The following ANTXR2 variants were observed in gnomAD, a reference collection of about 807,000 sequenced individuals.
The protein encoded by ANTXR2 is anthrax toxin receptor 2.
ANTXR2 carries 44 observed loss-of-function variants against 73.7 expected under a neutral mutation model. That is an observed-to-expected ratio of 0.60 (90% confidence interval 0.47 to 0.77). The LOEUF (loss-of-function observed/expected upper bound fraction) is 0.77. ANTXR2 is among the 30% of genes least tolerant of loss of function. The probability of loss-of-function intolerance (pLI) is 0.00; values close to 1 mark genes in which losing one functional copy is unlikely to be tolerated. For synonymous variants in ANTXR2, 217 were observed against 205.9 expected, an observed-to-expected ratio of 1.05 and a Z score of -0.46; for missense variants, 604 against 592.5, an observed-to-expected ratio of 1.02 and a Z score of -0.20.
chr4:80,010,179 A>T (rs1223036966), intron 11 of ANTXR2, among the ~76,000 whole-genome samples: 2 of 152,190 alleles, frequency 1.3e-5, no homozygotes, highest in South Asian at 4.1e-4. Context: ...AACATTCCAA[A>T]GTGCATCTTT....
rs368382931 is a variant in ANTXR2 at position 80,001,272 on chromosome 4, C to T, written c.1041+7249G>A. 2.7e-5 allele frequency among the ~76,000 whole-genome samples: 4 copies of T among 150,598 alleles called. No individual in the cohort carries two copies. The South Asian group carries it at 6.3e-4, about 24-fold the overall frequency. Reference sequence around the variant, plus strand: ...TGCTGGTGCGCTGCACCCACTAACTCGTCATCTAGCATTAGGTATATCTCC... The same window carrying T: ...TGCTGGTGCGCTGCACCCACTAACTTGTCATCTAGCATTAGGTATATCTCC... On this transcript the variant is annotated intron_variant, in intron 12 of 16. Coordinates refer to ENST00000403729, the MANE Select transcript of ANTXR2 (RefSeq NM_058172.6).
chr4:79,926,986 T>TATATAC (rs1438871847), intron 16 of ANTXR2, among the ~76,000 whole-genome samples: 40 of 120,174 alleles, frequency 3.3e-4, no homozygotes, highest in African/African-American at 1.4e-3. Flanking sequence ...TACGTGTGCA[T>TATATAC]ATATGTGTAT....
At chr4:80,007,603 C>T (rs942165198) in intron 12 of ANTXR2, among the ~76,000 whole-genome samples, 2 of 152,070 alleles carry the variant, frequency 1.3e-5, no homozygotes, top group African/African-American at 2.4e-5. Context: ...CAATCTAATC[C>T]CATGGTTCCT....
At chr4:80,049,870 T>C (rs769664074) in intron 7 of ANTXR2, among the ~76,000 whole-genome samples, 2 of 151,726 alleles carry the variant, frequency 1.3e-5, no homozygotes, top group Non-Finnish European at 2.9e-5. Flanking sequence ...ATAATTAACA[T>C]TTGACAGCTA....
In ANTXR2 at chr4:80,071,662, A is replaced by G; in HGVS notation, c.153-8T>C. The G allele has an allele frequency of 5.0e-6, 8 of 1,605,690 alleles. No homozygotes were observed. Among genetic ancestry groups the G allele is most frequent in the Non-Finnish European group, 6.8e-6 (8 of 1,172,534 alleles). On this transcript the variant is annotated splice_region_variant and splice_polypyrimidine_tract_variant and intron_variant, in intron 1 of 16. Coordinates refer to ENST00000403729, the MANE Select transcript of ANTXR2 (RefSeq NM_058172.6). ...TTTGCCACACTCCCAGACCTGAAAG[A>G]TGAAATTGAACTGATCAGAGAAACA...
At chr4:80,050,135 A>G (rs546780841) in intron 7 of ANTXR2, among the ~76,000 whole-genome samples, 57 of 151,894 alleles carry the variant, frequency 3.8e-4, no homozygotes, top group South Asian at 1.2e-3. Flanking sequence ...AATTAGTACT[A>G]TAAGTCCCAC....
At chr4:80,056,512 C>T (rs150268482) in intron 3 of ANTXR2, among the ~76,000 whole-genome samples, 2 of 151,962 alleles carry the variant, frequency 1.3e-5, no homozygotes, top group African/African-American at 2.4e-5. Context: ...CTCCCAGAGT[C>T]GTAAGTCTCA....
intron 16 of ANTXR2, among the ~76,000 whole-genome samples, chr4:79,956,926 G>T (rs957924625): frequency 1.3e-5 from 2 of 152,018 alleles, no homozygotes; most frequent in Non-Finnish European, 1.5e-5. Context: ...CTAAATTTGT[G>T]TTCTAAAAAA....
In ANTXR2 at chr4:79,984,840, TG is replaced by T; in HGVS notation, c.1064del (p.Pro355HisfsTer54). ...CKVVIKDPPP[P>X]PAPAPKEEEE... ...TTACCTCTTTTGGTGCAGGGGCGGG[TG>T]GTGGTGGAGGATCCTTAATAACCTG... On this transcript the variant is annotated frameshift_variant, in exon 13 of 17. Transcript: ENST00000403729. LOFTEE classifies it high-confidence loss of function. 1 of 1,594,184 alleles carries T rather than the reference TG, an allele frequency of 6.3e-7. No individual in the cohort carries two copies. Among genetic ancestry groups the T allele is most frequent in the South Asian group, 1.1e-5 (1 of 87,890 alleles).
intron 16 of ANTXR2, among the ~76,000 whole-genome samples, chr4:79,925,287 C>T (rs1336791955): frequency 1.8e-4 from 26 of 143,988 alleles, no homozygotes; most frequent in East Asian, 6.1e-4. Context: ...TCACTCTTTC[C>T]TTTTTTTTTT....
chr4:79,981,132 G>C (rs1054146256), intron 14 of ANTXR2, among the ~76,000 whole-genome samples: 4 of 151,994 alleles, frequency 2.6e-5, no homozygotes, highest in African/African-American at 9.7e-5. Context: ...AAAATAAATA[G>C]ATAAATGAAA....
chr4:79,947,999 T>C (rs1728575501), intron 16 of ANTXR2, among the ~76,000 whole-genome samples: 1 of 152,126 alleles, frequency 6.6e-6, no homozygotes, highest in Non-Finnish European at 1.5e-5. Context: ...ACTGTACTCA[T>C]TTCTAGCTTG....
At chr4:80,002,455 C>A (rs868821907) in intron 12 of ANTXR2, among the ~76,000 whole-genome samples, 2 of 152,058 alleles carry the variant, frequency 1.3e-5, no homozygotes, top group Admixed American at 1.3e-4. Flanking sequence ...ACCATAAAAA[C>A]CCTAGAAGAA....
chr4:80,060,978 G>A (rs142886895), intron 3 of ANTXR2, among the ~76,000 whole-genome samples: 114 of 152,228 alleles, frequency 7.5e-4, no homozygotes, highest in African/African-American at 2.6e-3. Context: ...TTAGCAAGTC[G>A]GTGCCAGCGC....
intron 16 of ANTXR2, among the ~76,000 whole-genome samples, chr4:79,960,897 ATG>A (rs1233139819): frequency 6.6e-6 from 1 of 151,984 alleles, no homozygotes; most frequent in Admixed American, 6.6e-5. Context: ...ATAAATAAAA[ATG>A]AGAGATATTT....
intron 16 of ANTXR2, among the ~76,000 whole-genome samples, chr4:79,975,802 C>A (rs1302758768): frequency 6.6e-6 from 1 of 152,014 alleles, no homozygotes; most frequent in Non-Finnish European, 1.5e-5. Flanking sequence ...GTGATTGGAT[C>A]ATGACAGAGA....
chr4:80,069,661 G>A (rs915733914), intron 2 of ANTXR2, among the ~76,000 whole-genome samples, 154 bp from the exon 3 acceptor site: 2 of 152,160 alleles, frequency 1.3e-5, no homozygotes, highest in South Asian at 2.1e-4. Flanking sequence ...GACGAACTCT[G>A]CTTAACATTG....
intron 16 of ANTXR2, among the ~76,000 whole-genome samples, chr4:79,946,398 T>C (rs57022762): frequency 0.091 from 13,897 of 152,248 alleles, 738 homozygotes; most frequent in Middle Eastern, 0.23. Context: ...GAATTTGGAC[T>C]GTGTCACATT....
intron 7 of ANTXR2, among the ~76,000 whole-genome samples, chr4:80,043,859 T>G (rs139741324): frequency 4.4e-4 from 67 of 151,952 alleles, no homozygotes; most frequent in Middle Eastern, 3.4e-3. Context: ...ATCAGAACAG[T>G]GTTTAAGCCT....
Sources: allele counts gnomAD v4.1 joint callset (sites outside exome capture counted in the v4.1 genomes callset), GRCh38; gene constraint gnomAD v4.1.1; transcripts MANE v1.5; gene names NCBI Gene and HGNC (gene_info 2026-07-23, HGNC 2026-07-21).